Variants in DNAH12 observed in about 807,000 individuals in gnomAD.
The protein encoded by DNAH12 is axonemal beta dynein heavy chain 12.
A neutral mutation model predicts 371.5 loss-of-function variants in DNAH12; 285 were observed. The ratio of observed to expected loss-of-function variants is 0.77; its 90% CI spans 0.70 to 0.85. The LOEUF is 0.85. DNAH12 is among the 40% of genes least tolerant of loss of function. The probability of loss-of-function intolerance (pLI) is 0.00; values close to 1 mark genes in which losing one functional copy is unlikely to be tolerated. For missense variants in DNAH12, 3,611 were observed against 3,689.4 expected, an observed-to-expected ratio of 0.98 and a Z score of 0.55; for synonymous variants, 1,200 against 1,213.0, an observed-to-expected ratio of 0.99 and a Z score of 0.22.
intron 49 of DNAH12, among the ~76,000 whole-genome samples, chr3:57,384,503 G>A (rs1013446803): frequency 8.6e-5 from 13 of 151,978 alleles, no homozygotes; most frequent in African/African-American, 2.9e-4. Flanking sequence ...GATTAGCCAG[G>A]CCTAGTGGTG....
At chr3:57,396,688 C>G (rs1302497878) in intron 43 of DNAH12, among the ~76,000 whole-genome samples, 1 of 152,180 alleles carries the variant, frequency 6.6e-6, no homozygotes, top group Non-Finnish European at 1.5e-5. Flanking sequence ...TCTCCTGCCT[C>G]AGGCTCCTGA....
At chr3:57,473,700 T>C (rs921468789) in intron 13 of DNAH12, among the ~76,000 whole-genome samples, 33 of 81,356 alleles carry the variant, frequency 4.1e-4, no homozygotes, top group Admixed American at 4.7e-4. Flanking sequence ...TATATATACA[T>C]ACATCTATAT....
intron 2 of DNAH12, chr3:57,530,449 T>A: frequency 1.4e-6 from 1 of 701,356 alleles, no homozygotes; most frequent in South Asian, 1.6e-5. Context: ...CTTGATGTGA[T>A]ACATGCCAGA....
intron 40 of DNAH12, 102 bp from the exon 41 acceptor site, chr3:57,406,054 G>T: frequency 7.9e-7 from 1 of 1,269,852 alleles, no homozygotes; most frequent in Non-Finnish European, 1.1e-6. Flanking sequence ...TACTCTGTCA[G>T]ATTATATGGG....
intron 8 of DNAH12, among the ~76,000 whole-genome samples, chr3:57,506,995 T>C (rs1393450449): frequency 6.6e-6 from 1 of 151,632 alleles, no homozygotes; most frequent in Non-Finnish European, 1.5e-5. Context: ...AAGGAAACCA[T>C]GTGTATTAGT....
chr3:57,482,685 A>G (rs1028439982), intron 13 of DNAH12, among the ~76,000 whole-genome samples: 4 of 152,140 alleles, frequency 2.6e-5, no homozygotes, highest in Non-Finnish European at 5.9e-5. Context: ...ATGTCCAACA[A>G]TGATAGACTG....
At chr3:57,371,729 TGAAAACTAAAGACAGA>T (rs2063175000) in intron 55 of DNAH12, among the ~76,000 whole-genome samples, 2 of 149,372 alleles carry the variant, frequency 1.3e-5, no homozygotes, top group Non-Finnish European at 3.0e-5. Flanking sequence ...ATCAAACTGC[TGAAAACTAAAGACAGA>T]GAAAAATTGG....
rs1204840433 is a variant in DNAH12 at position 57,396,286 on chromosome 3, A to AC, written c.6949-1955_6949-1954insG. Among the ~76,000 whole-genome samples the AC allele has an allele frequency of 9.4e-3, 679 of 72,334 alleles. 10 individuals carry two copies. Among genetic ancestry groups the AC allele is most frequent in the Middle Eastern group, 0.022 (3 of 138 alleles). 47.5% of individuals were successfully genotyped at this position (72,334 alleles called of 152,430 possible). A position where few individuals can be genotyped will look rare whatever the true frequency, so the allele number is the denominator to read the frequency against. ...AGGGCAAGACTGCATCTCAAAAAAA[A>AC]AAACAAAAAAAAAAAAAAAAAAAAG... On this transcript the variant is annotated intron_variant, in intron 43 of 73. Transcript: ENST00000495027.
chr3:57,471,995 A>G (rs891257360), intron 14 of DNAH12, among the ~76,000 whole-genome samples: 4 of 152,168 alleles, frequency 2.6e-5, no homozygotes, highest in African/African-American at 9.7e-5. Flanking sequence ...GTTCATGTTC[A>G]CAAAATCATA....
chr3:57,452,224 A>G (rs2065779130), intron 25 of DNAH12, among the ~76,000 whole-genome samples: 1 of 152,200 alleles, frequency 6.6e-6, no homozygotes, highest in Non-Finnish European at 1.5e-5. Flanking sequence ...GCTACCATTC[A>G]GATAAACAAT....
intron 11 of DNAH12, among the ~76,000 whole-genome samples, chr3:57,494,758 C>T (rs2067251786): frequency 6.6e-6 from 1 of 152,170 alleles, no homozygotes; most frequent in Admixed American, 6.5e-5. Flanking sequence ...TCTGTAATCT[C>T]AGCAGTTTGG....
chr3:57,355,424 T>G (rs1339586143), intron 59 of DNAH12, among the ~76,000 whole-genome samples: 1 of 151,216 alleles, frequency 6.6e-6, no homozygotes, highest in Non-Finnish European at 1.5e-5. Context: ...TTCACATGAA[T>G]AACATCACAT....
chr3:57,366,535 T>C (rs957305207), intron 57 of DNAH12, among the ~76,000 whole-genome samples, 194 bp downstream of exon 57: 46 of 152,270 alleles, frequency 3.0e-4, no homozygotes, highest in African/African-American at 1.1e-3. Flanking sequence ...CAACTGCCCA[T>C]ACTAAAAGCC....
chr3:57,327,149 A>G (rs911497193), intron 62 of DNAH12, among the ~76,000 whole-genome samples: 22 of 152,148 alleles, frequency 1.4e-4, no homozygotes, highest in African/African-American at 4.6e-4. Flanking sequence ...TAGACAGATC[A>G]ACGAGACAGA....
intron 72 of DNAH12, among the ~76,000 whole-genome samples, chr3:57,295,987 GT>G (rs2107640074): frequency 6.6e-6 from 1 of 152,190 alleles, no homozygotes; most frequent in East Asian, 1.9e-4. Context: ...GCAAGAAAAG[GT>G]TTCCCATTCA....
At chr3:57,334,997 T>C in intron 60 of DNAH12, 57 bp from the exon 61 acceptor site, 1 of 1,494,700 alleles carries the variant, frequency 6.7e-7, no homozygotes, top group South Asian at 1.4e-5. Context: ...TTGAATGATG[T>C]CAACTTCCGC....
intron 12 of DNAH12, among the ~76,000 whole-genome samples, chr3:57,485,474 T>C (rs962119963): frequency 3.3e-5 from 5 of 151,252 alleles, no homozygotes; most frequent in African/African-American, 1.2e-4. Context: ...AGTGGTGCAA[T>C]ACACCACAAC....
chr3:57,504,111 T>C lies in DNAH12; in HGVS notation c.991A>G (p.Thr331Ala). 6.2e-7 allele frequency: 1 copy of C among 1,613,936 alleles called. No individual in the cohort carries two copies. The highest frequency in any genetic ancestry group is 8.5e-7 in the Non-Finnish European group (1 of 1,179,878). ...QRLPIFKIEL[T>A]FDDDKMEFYP... ...AATTCCATTTTGTCGTCATCAAATGTCAATTCTATCTTAAATATTGGCAGC... is the reference window on the plus strand; with the variant it reads ...AATTCCATTTTGTCGTCATCAAATGCCAATTCTATCTTAAATATTGGCAGC... The change falls in exon 9 of 74, where the codon ACA (threonine) becomes GCA (alanine). Residue 331 changes from threonine (T) to alanine (A), a missense_variant. Thr to Ala is a moderately conservative substitution (Grantham distance 58, BLOSUM62 0). This residue lies in a region of DNAH12 where 1,314 missense variants were observed against 1,398.7 expected (regional missense o/e 0.94). Transcript: ENST00000495027.
chr3:57,449,945 T>G (rs2065699851), intron 25 of DNAH12, among the ~76,000 whole-genome samples: 1 of 152,180 alleles, frequency 6.6e-6, no homozygotes, highest in Non-Finnish European at 1.5e-5. Context: ...AGTGTTATAT[T>G]CAAGCGTTTA....
Sources: allele counts gnomAD v4.1 joint callset (sites outside exome capture counted in the v4.1 genomes callset), GRCh38; gene constraint gnomAD v4.1.1; regional missense constraint gnomAD v4.1.1; transcripts MANE v1.5; gene names NCBI Gene and HGNC (gene_info 2026-07-23, HGNC 2026-07-21).